MFSD11: variants seen among roughly 807,000 people sequenced by gnomAD.
MFSD11 encodes UNC93-like protein MFSD11.
MFSD11 carries 36 observed loss-of-function variants against 53.5 expected under a neutral mutation model. The ratio of observed to expected loss-of-function variants is 0.67; its 90% CI spans 0.52 to 0.89. The LOEUF (loss-of-function observed/expected upper bound fraction) is 0.89. Among genes scored for constraint, MFSD11 ranks in the 40% least tolerant of loss-of-function variants. MFSD11 has a pLI of 0.00. For synonymous variants in MFSD11, 186 were observed against 184.9 expected (o/e 1.01, Z -0.05); for missense variants, 530 against 543.9 (o/e 0.97, Z 0.25).
At chr17:76,747,735 A>C (rs538646967) in intron 7 of MFSD11, among the ~76,000 whole-genome samples, 76 of 152,274 alleles carry the variant, frequency 5.0e-4, no homozygotes, top group African/African-American at 1.8e-3. Flanking sequence ...TTCAGCCAGC[A>C]CATGTTTGGT....
chr17:76,793,132 CATCTT>C, the MFSD11 span, among the ~76,000 whole-genome samples: 39 of 151,506 alleles, frequency 2.6e-4, 1 homozygote, highest in African/African-American at 9.3e-4. Flanking sequence ...TCATTGATAA[CATCTT>C]ATCAGGAGAC....
intron 7 of MFSD11, among the ~76,000 whole-genome samples, chr17:76,747,516 G>A (rs941276685): frequency 6.6e-6 from 1 of 152,136 alleles, no homozygotes; most frequent in South Asian, 2.1e-4. Context: ...TGTATTTTTA[G>A]TAGAGACGGG....
At chr17:76,795,257 G>A in the MFSD11 span, among the ~76,000 whole-genome samples, 5 of 147,392 alleles carry the variant, frequency 3.4e-5, no homozygotes, top group African/African-American at 1.3e-4. Context: ...TGAGGCGGGC[G>A]GATCACCCAA....
intron 8 of MFSD11, among the ~76,000 whole-genome samples, chr17:76,754,510 T>G (rs541624481): frequency 2.8e-4 from 43 of 150,970 alleles, no homozygotes; most frequent in African/African-American, 1.0e-3. Flanking sequence ...TGGCGAAACC[T>G]CTTCTCTACT....
At chr17:76,782,950 A>G (rs2145000385), downstream of MFSD11, among the ~76,000 whole-genome samples, 1 of 151,944 alleles carries the variant, frequency 6.6e-6, no homozygotes, top group East Asian at 2.0e-4. Flanking sequence ...AGGCCAAGGC[A>G]GGCAGATCAC....
At chr17:76,794,434 G>A in the MFSD11 span, among the ~76,000 whole-genome samples, 5 of 148,026 alleles carry the variant, frequency 3.4e-5, no homozygotes, top group Admixed American at 6.8e-5. Flanking sequence ...CCTAGATCAC[G>A]CCACTGCACT....
downstream of MFSD11, among the ~76,000 whole-genome samples, chr17:76,786,029 C>G (rs1202847670): frequency 1.5e-5 from 2 of 134,686 alleles, no homozygotes; most frequent in Non-Finnish European, 3.1e-5. Context: ...GAGCCGAGAT[C>G]GAGCCACCGC....
intron 8 of MFSD11, among the ~76,000 whole-genome samples, chr17:76,760,226 G>C (rs1021159779): frequency 6.6e-6 from 1 of 151,080 alleles, no homozygotes; most frequent in Non-Finnish European, 1.5e-5. Context: ...AGAGGTTGCA[G>C]TGAGCCATGC....
chr17:76,750,892 C>T (rs1332136098), intron 7 of MFSD11, among the ~76,000 whole-genome samples: 1 of 151,244 alleles, frequency 6.6e-6, no homozygotes, highest in Admixed American at 6.6e-5. Flanking sequence ...AAACCTCCGC[C>T]TTCCATGTTC....
At chr17:76,747,401 C>T (rs1225944765) in intron 7 of MFSD11, among the ~76,000 whole-genome samples, 1 of 151,780 alleles carries the variant, frequency 6.6e-6, no homozygotes, top group Non-Finnish European at 1.5e-5. Flanking sequence ...ATGGCGTAGT[C>T]TTGGCTCACT....
At chr17:76,744,497 T>C in intron 7 of MFSD11, 31 bp downstream of exon 7, 24 of 1,591,572 alleles carry the variant, frequency 1.5e-5, no homozygotes, top group Non-Finnish European at 2.1e-5. Context: ...TATTTTATTT[T>C]AAAATAGATT....
chr17:76,739,006 A>G lies in MFSD11; in HGVS notation c.152+13A>G, dbSNP rs76066099. On this transcript the variant is annotated intron_variant, in intron 2 of 12. Transcript: ENST00000685175. ...GTGGATATACCAGGTATTGTACCGTATGATTGATTTTGCTTTATATTTGAC... is the reference window on the plus strand; with the variant it reads ...GTGGATATACCAGGTATTGTACCGTGTGATTGATTTTGCTTTATATTTGAC... The G allele has an allele frequency of 2.9e-3, 4,585 of 1,608,184 alleles. 112 individuals carry two copies. In the African/African-American group the frequency reaches 0.053, roughly 19 times the overall value.
At chr17:76,751,705 A>C (rs2079065801) in intron 7 of MFSD11, among the ~76,000 whole-genome samples, 1 of 152,054 alleles carries the variant, frequency 6.6e-6, no homozygotes, top group South Asian at 2.1e-4. Context: ...TCTCAAAAAA[A>C]AAAAAAAGGA....
At position 76,776,652 on chromosome 17, in the gene MFSD11, TA is replaced by T. The variant is rs2081860066; in HGVS notation, c.1185+112del. Reference sequence around the variant, plus strand: ...GTTTTAATTTTTATTTATTTATTTTTATTTTTTTGATAGAGTCTCTCTCTGT... The same window carrying T: ...GTTTTAATTTTTATTTATTTATTTTTTTTTTTTGATAGAGTCTCTCTCTGT... On this transcript the variant is annotated intron_variant, in intron 12 of 12. Coordinates refer to ENST00000685175, the MANE Select transcript of MFSD11 (RefSeq NM_001242532.5). The surrounding 1 kb of genome is among the most constrained non-coding windows in gnomAD (Gnocchi z 4.2). The T allele has an allele frequency of 2.1e-5, 23 of 1,090,798 alleles. No homozygotes were observed. In the South Asian group the frequency reaches 4.3e-4, roughly 21 times the overall value. The allele number at this position is 1,090,798 out of a possible 1,614,324, so 67.6% of individuals were successfully genotyped here.
intron 11 of MFSD11, 26 bp downstream of exon 11, chr17:76,775,197 C>A (rs201071869): frequency 1.2e-6 from 2 of 1,607,798 alleles, no homozygotes; most frequent in South Asian, 1.1e-5. Flanking sequence ...TTTCTCTAGT[C>A]GCTTGAGTAC....
the MFSD11 span, among the ~76,000 whole-genome samples, chr17:76,789,351 C>T: frequency 6.7e-6 from 1 of 149,574 alleles, no homozygotes; most frequent in Non-Finnish European, 1.5e-5. Flanking sequence ...AGTGACCTGC[C>T]AGCACTTGGG....
chr17:76,743,383 CT>C lies in MFSD11; in HGVS notation c.438-11del. On this transcript the variant is annotated splice_polypyrimidine_tract_variant and intron_variant, in intron 5 of 12. Coordinates refer to ENST00000685175, the MANE Select transcript of MFSD11 (RefSeq NM_001242532.5). Reference sequence around the variant, plus strand: ...ATAATTACCCAACATCCTATCCTCCCTTTTCTTCCCCCAGCTTGTTCTTTGG... The same window carrying C: ...ATAATTACCCAACATCCTATCCTCCCTTTCTTCCCCCAGCTTGTTCTTTGG... 4 of 1,549,232 alleles carry C rather than the reference CT, an allele frequency of 2.6e-6. No homozygotes were observed. Among genetic ancestry groups the C allele is most frequent in the South Asian group, 2.5e-5 (2 of 81,570 alleles).
chr17:76,759,940 A>G (rs1419780554), intron 8 of MFSD11, among the ~76,000 whole-genome samples: 1 of 151,642 alleles, frequency 6.6e-6, no homozygotes, highest in Non-Finnish European at 1.5e-5. Context: ...GTAGACTTAT[A>G]ATAAAGTCAG....
chr17:76,776,436 G>A lies in MFSD11; in HGVS notation c.1080G>A (p.Leu360=), dbSNP rs1456258033. The A allele has an allele frequency of 4.3e-6, 7 of 1,613,978 alleles. No individual in the cohort carries two copies. Among genetic ancestry groups the A allele is most frequent in the Non-Finnish European group, 5.9e-6 (7 of 1,179,984 alleles). Residue 360 remains leucine, a synonymous_variant, in exon 12 of 13, where the codon CTG becomes CTA. Coordinates refer to ENST00000685175, the MANE Select transcript of MFSD11 (RefSeq NM_001242532.5). The surrounding 1 kb of genome is among the most constrained non-coding windows in gnomAD (Gnocchi z 4.2). ...SKEVAILCSF[L]LGLGDSCFNT... is the part of the protein sequence containing the mutation. ...AAGTTGCCATTCTCTGCAGTTTTCT[G>A]TTGGGCCTTGGAGACAGCTGCTTTA...
Sources: allele counts gnomAD v4.1 joint callset (sites outside exome capture counted in the v4.1 genomes callset), GRCh38; gene constraint gnomAD v4.1.1; non-coding constraint Gnocchi (gnomAD v3.1); transcripts MANE v1.5; gene names NCBI Gene and HGNC (gene_info 2026-07-23, HGNC 2026-07-21).